EYS: variants seen among roughly 807,000 people sequenced by gnomAD.
EYS encodes the protein EGF-like photoreceptor maintenance factor.
In EYS, 250 loss-of-function variants were observed where a neutral mutation model predicts 282.1. The ratio of observed to expected loss-of-function variants is 0.89; its 90% CI spans 0.80 to 0.98. EYS has a LOEUF of 0.98. Ranked by LOEUF, EYS falls within the 50% of genes least tolerant of loss-of-function variation. EYS has a pLI of 0.00. For missense variants in EYS, 4,016 were observed against 3,709.0 expected, an observed-to-expected ratio of 1.08 and a Z score of -2.15; for synonymous variants, 1,355 against 1,282.9, an observed-to-expected ratio of 1.06 and a Z score of -1.20.
intron 30 of EYS, among the ~76,000 whole-genome samples, chr6:64,301,680 G>A (rs1769242113): frequency 6.6e-6 from 1 of 152,126 alleles, no homozygotes; most frequent in African/African-American, 2.4e-5. Context: ...AGCCATCTCT[G>A]ATTACGCAGG....
chr6:65,189,407 A>T (rs1765589933), intron 12 of EYS, among the ~76,000 whole-genome samples: 2 of 151,776 alleles, frequency 1.3e-5, no homozygotes, highest in African/African-American at 4.8e-5. Context: ...AAATAAGAGC[A>T]GCCACAGCAC....
chr6:64,050,184 C>G (rs1770760932), intron 33 of EYS, among the ~76,000 whole-genome samples: 1 of 152,054 alleles, frequency 6.6e-6, no homozygotes, highest in Admixed American at 6.6e-5. Flanking sequence ...TTCCTTCATT[C>G]TTCAAATGAC....
chr6:64,183,280 T>A (rs1369110829), intron 31 of EYS, among the ~76,000 whole-genome samples: 1 of 152,168 alleles, frequency 6.6e-6, no homozygotes, highest in African/African-American at 2.4e-5. Context: ...GTCTCAAGTA[T>A]GTCTTTATTA....
chr6:65,369,326 ATAT>A (rs1163720263), intron 8 of EYS, among the ~76,000 whole-genome samples: 5 of 142,596 alleles, frequency 3.5e-5, no homozygotes, highest in African/African-American at 7.6e-5. Context: ...TTATATATAT[ATAT>A]TTATATATAT....
At chr6:64,236,090 T>C (rs1046795846) in intron 30 of EYS, among the ~76,000 whole-genome samples, 3 of 152,044 alleles carry the variant, frequency 2.0e-5, no homozygotes, top group East Asian at 1.9e-4. Flanking sequence ...TACTGGCAAA[T>C]CGAATCCAGC....
intron 22 of EYS, chr6:64,730,994 T>C (rs1771943321): frequency 6.6e-6 from 1 of 152,178 alleles, no homozygotes; most frequent in South Asian, 2.1e-4. Flanking sequence ...CAGTTTCATC[T>C]TGGAGAAAAG....
intron 1 of EYS, among the ~76,000 whole-genome samples, chr6:65,670,763 G>A (rs76472208): frequency 0.018 from 2,642 of 150,900 alleles, 84 homozygotes; most frequent in African/African-American, 0.061. Context: ...GTTTACCCTC[G>A]ACACTAGAAT....
intron 12 of EYS, among the ~76,000 whole-genome samples, chr6:65,205,129 C>A (rs73441356): frequency 0.058 from 8,494 of 146,638 alleles, 474 homozygotes; most frequent in African/African-American, 0.14. Context: ...ATATCTATCT[C>A]CAACTGTCGG....
intron 30 of EYS, among the ~76,000 whole-genome samples, chr6:64,232,294 T>C (rs974493434): frequency 6.6e-6 from 1 of 152,200 alleles, no homozygotes; most frequent in African/African-American, 2.4e-5. Context: ...CTAACGATGC[T>C]TGATCTCTAG....
intron 41 of EYS, chr6:63,741,853 T>C (rs1269790103): frequency 1.5e-6 from 1 of 684,268 alleles, no homozygotes; most frequent in African/African-American, 1.8e-5. Flanking sequence ...TTTAGAAAGC[T>C]GTACTAGGGT....
At chr6:64,007,982 T>A (rs1768430364) in intron 33 of EYS, among the ~76,000 whole-genome samples, 1 of 152,138 alleles carries the variant, frequency 6.6e-6, no homozygotes, top group South Asian at 2.1e-4. Flanking sequence ...AGTGGAGATA[T>A]CTGTTAGGTC....
chr6:65,541,509 C>G (rs1187475573), intron 2 of EYS, among the ~76,000 whole-genome samples: 1 of 152,090 alleles, frequency 6.6e-6, no homozygotes, highest in African/African-American at 2.4e-5. Context: ...ACAATGTTAT[C>G]CATTATTTTG....
Position 63,896,912 on chromosome 6 carries a change from C to T in EYS, c.7056-32554G>A, listed in dbSNP as rs147869432. Among the ~76,000 whole-genome samples the T allele has an allele frequency of 3.5e-4, 54 of 152,212 alleles. No individual in the cohort carries two copies. In the East Asian group the frequency reaches 8.1e-3, roughly 23 times the overall value. On this transcript the variant is annotated intron_variant, in intron 35 of 42. Coordinates refer to ENST00000503581, the MANE Select transcript of EYS (RefSeq NM_001142800.2). Reference sequence around the variant, plus strand: ...GTCATTTCCTTTTCCATTCTATTATCTGGATGTACCACAGTTTATTCACCT... The same window carrying T: ...GTCATTTCCTTTTCCATTCTATTATTTGGATGTACCACAGTTTATTCACCT...
chr6:64,825,634 G>A (rs979527543), intron 19 of EYS, among the ~76,000 whole-genome samples: 1 of 151,804 alleles, frequency 6.6e-6, no homozygotes, highest in Non-Finnish European at 1.5e-5. Context: ...CCAATGAGGC[G>A]ATGGTGATGC....
At chr6:63,839,151 A>G (rs980413520) in intron 36 of EYS, among the ~76,000 whole-genome samples, 1 of 152,192 alleles carries the variant, frequency 6.6e-6, no homozygotes, top group Non-Finnish European at 1.5e-5. Flanking sequence ...ATAGAATGCT[A>G]GAACTTTTCT....
intron 21 of EYS, chr6:64,815,229 G>A (rs550730876): frequency 1.4e-4 from 64 of 463,120 alleles, no homozygotes; most frequent in Non-Finnish European, 2.3e-4. Flanking sequence ...TGCTGAAAAC[G>A]TGAACTTGTT....
intron 12 of EYS, among the ~76,000 whole-genome samples, chr6:65,168,630 T>A (rs921083830): frequency 6.6e-6 from 1 of 151,128 alleles, no homozygotes; most frequent in African/African-American, 2.4e-5. Context: ...TACCATCATC[T>A]TGGGGGTTAG....
chr6:65,691,575 T>C (rs1769245792), intron 1 of EYS, among the ~76,000 whole-genome samples: 1 of 150,056 alleles, frequency 6.7e-6, no homozygotes, highest in Non-Finnish European at 1.5e-5. Context: ...GTGCAGACAA[T>C]CTTTAGTTTA....
intron 2 of EYS, among the ~76,000 whole-genome samples, chr6:65,623,495 G>A (rs1248654704): frequency 6.6e-6 from 1 of 151,906 alleles, no homozygotes; most frequent in Non-Finnish European, 1.5e-5. Flanking sequence ...TATCTTTAAA[G>A]GACAGCTGAG....
Sources: allele counts gnomAD v4.1 joint callset (sites outside exome capture counted in the v4.1 genomes callset), GRCh38; gene constraint gnomAD v4.1.1; transcripts MANE v1.5; gene names NCBI Gene and HGNC (gene_info 2026-07-23, HGNC 2026-07-21).